ZNF831: variants seen among roughly 807,000 people sequenced by gnomAD.
The protein encoded by ZNF831 is zinc finger protein 831, also known as chromosome 20 open reading frame 174.
Under a neutral mutation model 95.8 loss-of-function variants are expected in ZNF831, and 59 were observed. The ratio of observed to expected loss-of-function variants is 0.62; its 90% CI spans 0.50 to 0.77. The LOEUF (loss-of-function observed/expected upper bound fraction) is 0.77, where lower values mean the gene tolerates loss of function less well. Ranked by LOEUF, ZNF831 falls within the 30% of genes least tolerant of loss-of-function variation. The probability of loss-of-function intolerance (pLI) is 0.00; values close to 1 mark genes in which losing one functional copy is unlikely to be tolerated. For synonymous variants in ZNF831, 961 were observed against 925.5 expected, an observed-to-expected ratio of 1.04 and a Z score of -0.70; for missense variants, 2,205 against 2,164.0, an observed-to-expected ratio of 1.02 and a Z score of -0.38.
chr20:59,135,470 G>A (rs371532732), intron 1 of ZNF831, among the ~76,000 whole-genome samples: 109 of 152,270 alleles, frequency 7.2e-4, no homozygotes, highest in Middle Eastern at 3.4e-3. Flanking sequence ...AGTGGCTCAC[G>A]CCTGTAATCC....
At position 59,207,034 on chromosome 20, in the gene ZNF831, G is replaced by A. The variant is rs1302562307; in HGVS notation, c.4005G>A (p.Gly1335=). 2 of 1,614,146 alleles carry A rather than the reference G, an allele frequency of 1.2e-6. No individual in the cohort carries two copies. The highest frequency in any genetic ancestry group is 3.3e-5 in the Admixed American group (2 of 60,016). The stretch of plus-strand genomic sequence containing the variant: ...GACTGAAGCCATGCAGGACCCCTGG[G>A]CAGACCTCTTCAGAAATAGCAGGTA... ...LEGLKPCRTP[G]QTSSEIAGLN... Residue 1335 remains glycine, a synonymous_variant, in exon 4 of 6, where the codon GGG becomes GGA. Transcript: ENST00000371030.
At position 59,253,896 on chromosome 20, in the gene ZNF831, A is replaced by G; in HGVS notation, c.4189-2A>G. 1.1e-6 allele frequency: 1 copy of G among 882,810 alleles called. No individual in the cohort carries two copies. Among genetic ancestry groups the G allele is most frequent in the Non-Finnish European group, 1.5e-6 (1 of 646,276 alleles). The allele number at this position is 882,810 out of a possible 1,614,324, so 54.7% of individuals were successfully genotyped here. On this transcript the variant is annotated splice_acceptor_variant, in intron 5 of 5. Transcript: ENST00000371030. LOFTEE classifies it high-confidence loss of function. Reference sequence around the variant, plus strand: ...TTTTTTTTCCTTTGCACTTTGTTGCAGGATATTTCTCCATCTGCTGGTGAG... The same window carrying G: ...TTTTTTTTCCTTTGCACTTTGTTGCGGGATATTTCTCCATCTGCTGGTGAG...
Position 59,190,948 on chromosome 20 carries a change from G to C in ZNF831, c.-36-36G>C, listed in dbSNP as rs890370932. 16 of 1,455,598 alleles carry C rather than the reference G, an allele frequency of 1.1e-5. No individual in the cohort carries two copies. In the African/African-American group the frequency reaches 2.3e-4, roughly 21 times the overall value. 90.2% of individuals were successfully genotyped at this position (1,455,598 alleles called of 1,614,324 possible). A position where few individuals can be genotyped will look rare whatever the true frequency, so the allele number is the denominator to read the frequency against. On this transcript the variant is annotated intron_variant, in intron 1 of 5. Coordinates refer to ENST00000371030, the MANE Select transcript of ZNF831 (RefSeq NM_178457.3). ...AGATTTACTGCATGAGGAGAGAGGA[G>C]AGGTGCCCATGGTAAAGTTTGGTTG... is the stretch of plus-strand genomic sequence containing the variant.
At chr20:59,156,864 T>G (rs1244291418) in intron 2 of ZNF831, among the ~76,000 whole-genome samples, 1 of 152,252 alleles carries the variant, frequency 6.6e-6, no homozygotes, top group Non-Finnish European at 1.5e-5. Flanking sequence ...AATAAACATC[T>G]CAACTAAATA....
Position 59,253,861 on chromosome 20 carries a change from C to CG in ZNF831, c.4189-37_4189-36insG. ...ATTTTTCTTTGTACCAATTAACCTC[C>CG]CCCCCCACTTTTTTTTTCCTTTGCA... On this transcript the variant is annotated intron_variant, in intron 5 of 5. Coordinates refer to ENST00000371030, the MANE Select transcript of ZNF831 (RefSeq NM_178457.3). 1.0e-5 allele frequency: 11 copies of CG among 1,066,172 alleles called. 2 individuals carry two copies. Among genetic ancestry groups the CG allele is most frequent in the Non-Finnish European group, 1.4e-5 (11 of 791,288 alleles). The allele number at this position is 1,066,172 out of a possible 1,614,324, so 66.0% of individuals were successfully genotyped here.
At chr20:59,179,226 C>CT (rs1258123301) in intron 1 of ZNF831, among the ~76,000 whole-genome samples, 2 of 152,220 alleles carry the variant, frequency 1.3e-5, no homozygotes, top group African/African-American at 2.4e-5. Flanking sequence ...GAAGACGACT[C>CT]TTTATAGAGT....
intron 3 of ZNF831, among the ~76,000 whole-genome samples, chr20:59,206,075 C>G (rs897188081): frequency 1.3e-5 from 2 of 152,232 alleles, no homozygotes; most frequent in Non-Finnish European, 2.9e-5. Context: ...CTACTGTCAT[C>G]ATGCCTTCCC....
chr20:59,158,671 G>A (rs901742213), intron 2 of ZNF831, among the ~76,000 whole-genome samples: 5 of 152,180 alleles, frequency 3.3e-5, no homozygotes, highest in African/African-American at 4.8e-5. Flanking sequence ...CCAAAGGCTG[G>A]TATGCACCCC....
chr20:59,238,702 G>A (rs551696796), intron 4 of ZNF831, among the ~76,000 whole-genome samples: 1 of 152,294 alleles, frequency 6.6e-6, no homozygotes, highest in South Asian at 2.1e-4. Flanking sequence ...ACACCCAGAA[G>A]CTATAATGAG....
At chr20:59,174,221 G>A (rs1252571561) in intron 1 of ZNF831, among the ~76,000 whole-genome samples, 5 of 152,152 alleles carry the variant, frequency 3.3e-5, no homozygotes, top group Admixed American at 6.5e-5. Context: ...GAGGCTAGCT[G>A]GCTTTACGCG....
intron 4 of ZNF831, among the ~76,000 whole-genome samples, chr20:59,251,464 C>A (rs1382163922): frequency 6.6e-6 from 1 of 152,222 alleles, no homozygotes; most frequent in East Asian, 1.9e-4. Context: ...TCATACCCAG[C>A]CAAGCTGCCA....
At position 59,254,825 on chromosome 20, in the gene ZNF831, A is replaced by G; in HGVS notation, c.*82A>G. On this transcript the variant is annotated 3_prime_UTR_variant, in exon 6 of 6. Transcript: ENST00000371030. This position sits in a 1 kb window ranked among gnomAD's most constrained non-coding sequence, Gnocchi z 4.5. ...ATGTTGTCAGGCTGGCGGAAGAACT[A>G]AACTCTATCTGTGAAACACCTACAG... 9.2e-6 allele frequency: 14 copies of G among 1,514,264 alleles called. No individual in the cohort carries two copies. Among genetic ancestry groups the G allele is most frequent in the South Asian group, 1.4e-5 (1 of 73,448 alleles). 93.8% of individuals were successfully genotyped at this position (1,514,264 alleles called of 1,614,324 possible). A position where few individuals can be genotyped will look rare whatever the true frequency, so the allele number is the denominator to read the frequency against.
chr20:59,203,791 G>A (rs1984695004), intron 3 of ZNF831, among the ~76,000 whole-genome samples: 1 of 152,070 alleles, frequency 6.6e-6, no homozygotes, highest in South Asian at 2.1e-4. Flanking sequence ...TTAAAGAAGA[G>A]AGATTAGAAA....
At chr20:59,235,931 G>A (rs576600203) in intron 4 of ZNF831, among the ~76,000 whole-genome samples, 4 of 152,328 alleles carry the variant, frequency 2.6e-5, no homozygotes, top group South Asian at 2.1e-4. Flanking sequence ...ACATGTAGGG[G>A]AGAAATATTT....
chr20:59,238,783 C>T (rs1987149488), intron 4 of ZNF831, among the ~76,000 whole-genome samples: 1 of 152,166 alleles, frequency 6.6e-6, no homozygotes, highest in African/African-American at 2.4e-5. Flanking sequence ...TTATCCACCT[C>T]ATGCTATTTC....
upstream of ZNF831, among the ~76,000 whole-genome samples, chr20:59,161,653 G>C (rs1276254886): frequency 2.0e-5 from 3 of 152,232 alleles, no homozygotes; most frequent in South Asian, 2.1e-4. Context: ...TCTTCATCCA[G>C]TCTACCGTTG....
intron 1 of ZNF831, among the ~76,000 whole-genome samples, chr20:59,138,795 A>G (rs1298235729): frequency 6.6e-6 from 1 of 152,216 alleles, no homozygotes; most frequent in Non-Finnish European, 1.5e-5. Flanking sequence ...AGTATAAAGC[A>G]GAAACAAACG....
At chr20:59,125,699 T>A (rs918975156) in intron 1 of ZNF831, among the ~76,000 whole-genome samples, 3 of 152,204 alleles carry the variant, frequency 2.0e-5, no homozygotes, top group African/African-American at 7.2e-5. Flanking sequence ...GTGGAGGGCC[T>A]AGCTGGTCTC....
At chr20:59,219,775 C>T (rs1222434350) in intron 4 of ZNF831, among the ~76,000 whole-genome samples, 2 of 152,128 alleles carry the variant, frequency 1.3e-5, no homozygotes, top group Non-Finnish European at 2.9e-5. Context: ...ACTTATTTAT[C>T]TAAAATGCTA....
Sources: allele counts gnomAD v4.1 joint callset (sites outside exome capture counted in the v4.1 genomes callset), GRCh38; gene constraint gnomAD v4.1.1; non-coding constraint Gnocchi (gnomAD v3.1); transcripts MANE v1.5; gene names NCBI Gene and HGNC (gene_info 2026-07-23, HGNC 2026-07-21).